Variants in FHOD3 observed in about 807,000 individuals in gnomAD.
FHOD3 encodes formin homology 2 domain containing 3, also known as FH1/FH2 domain-containing protein 3.
Under a neutral mutation model 173.0 loss-of-function variants are expected in FHOD3, and 90 were observed. The ratio of observed to expected loss-of-function variants is 0.52; its 90% confidence interval spans 0.44 to 0.62. FHOD3 has a LOEUF of 0.62. Ranked by LOEUF, FHOD3 falls within the 20% of genes least tolerant of loss-of-function variation. The pLI is 0.00. For synonymous variants in FHOD3, 828 were observed against 823.0 expected, an observed-to-expected ratio of 1.01 and a Z score of -0.10; for missense variants, 1,945 against 2,034.7, an observed-to-expected ratio of 0.96 and a Z score of 0.85.
At chr18:36,515,580 G>A (rs1223920614) in intron 5 of FHOD3, among the ~76,000 whole-genome samples, 2 of 152,200 alleles carry the variant, frequency 1.3e-5, no homozygotes. Context: ...ATTCCCGAAT[G>A]TTTAAGTCTC....
At chr18:36,755,397 CTTT>C (rs200164880) in intron 25 of FHOD3, 86 bp downstream of exon 25, 941 of 212,012 alleles carry the variant, frequency 4.4e-3, no homozygotes, top group South Asian at 8.6e-3. Context: ...AAAAGCTGTG[CTTT>C]TTTTTTTTTT....
intron 3 of FHOD3, among the ~76,000 whole-genome samples, chr18:36,400,158 A>C (rs1161936732): frequency 1.3e-5 from 2 of 152,192 alleles, no homozygotes; most frequent in Non-Finnish European, 2.9e-5. Flanking sequence ...TTAGTTTTCA[A>C]GGTTTATTTT....
intron 6 of FHOD3, among the ~76,000 whole-genome samples, chr18:36,592,256 C>T (rs2059244809): frequency 6.6e-6 from 1 of 152,088 alleles, no homozygotes; most frequent in Non-Finnish European, 1.5e-5. Flanking sequence ...TGTTAGTGAC[C>T]AAGGGGCTCC....
chr18:36,605,264 T>C (rs1747762786), intron 8 of FHOD3, among the ~76,000 whole-genome samples: 1 of 152,218 alleles, frequency 6.6e-6, no homozygotes, highest in Non-Finnish European at 1.5e-5. Context: ...TGCCACAGTG[T>C]TCCCCATTGT....
At chr18:36,696,664 A>G (rs942984531) in intron 17 of FHOD3, among the ~76,000 whole-genome samples, 9 of 152,208 alleles carry the variant, frequency 5.9e-5, no homozygotes, top group Non-Finnish European at 1.2e-4. Context: ...AAGTCAATAC[A>G]TGCTTGAATT....
intron 16 of FHOD3, among the ~76,000 whole-genome samples, chr18:36,689,074 C>T (rs2038804361): frequency 6.6e-6 from 1 of 152,136 alleles, no homozygotes; most frequent in Non-Finnish European, 1.5e-5. Context: ...ACGCATTTTC[C>T]TTTGGTTTGG....
chr18:36,467,312 T>C (rs2053000935), intron 3 of FHOD3, among the ~76,000 whole-genome samples: 1 of 152,208 alleles, frequency 6.6e-6, no homozygotes, highest in Non-Finnish European at 1.5e-5. Context: ...CTGGAGAAGT[T>C]AGAAAGCCAT....
intron 14 of FHOD3, among the ~76,000 whole-genome samples, chr18:36,676,900 T>G (rs1314394158): frequency 6.6e-6 from 1 of 152,232 alleles, no homozygotes; most frequent in African/African-American, 2.4e-5. Context: ...CAATGTATAC[T>G]AATCCTTTGT....
intron 3 of FHOD3, among the ~76,000 whole-genome samples, chr18:36,494,550 T>A (rs1014177281): frequency 7.2e-5 from 11 of 152,186 alleles, no homozygotes; most frequent in Non-Finnish European, 1.5e-4. Flanking sequence ...TGCATATGTT[T>A]CTTCATTTAT....
Position 36,653,335 on chromosome 18 carries a change from T to C in FHOD3, c.1647-7T>C, listed in dbSNP as rs2036194158. On this transcript the variant is annotated splice_region_variant and splice_polypyrimidine_tract_variant and intron_variant, in intron 12 of 28. Transcript: ENST00000590592. ...ACATTGTGAGCGGGCTTTTCTTCCTTTGACAGTTCCTCTGATTCTTTCTCT... is the reference window on the plus strand; with the variant it reads ...ACATTGTGAGCGGGCTTTTCTTCCTCTGACAGTTCCTCTGATTCTTTCTCT... 1.3e-6 allele frequency: 2 copies of C among 1,532,944 alleles called. No individual in the cohort carries two copies. Among genetic ancestry groups the C allele is most frequent in the African/African-American group, 2.7e-5 (2 of 72,994 alleles). 95.0% of individuals were successfully genotyped at this position (1,532,944 alleles called of 1,614,324 possible). A position where few individuals can be genotyped will look rare whatever the true frequency, so the allele number is the denominator to read the frequency against.
rs191073865 is a variant in FHOD3, at chr18:36,482,605, A to T, written c.338-19327A>T. Among the ~76,000 whole-genome samples the T allele has an allele frequency of 3.0e-4, 46 of 152,280 alleles. No homozygotes were observed. In the East Asian group the frequency reaches 8.7e-3, roughly 29 times the overall value. On this transcript the variant is annotated intron_variant, in intron 3 of 28. Transcript: ENST00000590592. ...GACAGGGTTCTACCCTGAGCAACTG[A>T]TGCAGACCCCGTGGTTCCTCTGCTG...
intron 1 of FHOD3, among the ~76,000 whole-genome samples, chr18:36,336,497 A>T (rs2045314680): frequency 6.6e-6 from 1 of 152,166 alleles, no homozygotes; most frequent in Non-Finnish European, 1.5e-5. Context: ...TAGAAAATAG[A>T]CTATGTTTAA....
chr18:36,760,200 T>TA, intron 26 of FHOD3, among the ~76,000 whole-genome samples: 1 of 152,318 alleles, frequency 6.6e-6, no homozygotes, highest in South Asian at 2.1e-4. Context: ...TGACACTAAG[T>TA]AAAAAAATAA....
intron 17 of FHOD3, among the ~76,000 whole-genome samples, chr18:36,705,238 A>G (rs1317855560): frequency 6.6e-6 from 1 of 152,004 alleles, no homozygotes; most frequent in African/African-American, 2.4e-5. Flanking sequence ...CAACCACCCA[A>G]ACCTCCTCTC....
At chr18:36,638,147 C>G (rs868025007) in intron 10 of FHOD3, among the ~76,000 whole-genome samples, 2 of 152,024 alleles carry the variant, frequency 1.3e-5, no homozygotes, top group Admixed American at 1.3e-4. Flanking sequence ...TTAAAAATAG[C>G]AAAAACTCTT....
chr18:36,412,820 A>G (rs865775765), intron 3 of FHOD3, among the ~76,000 whole-genome samples: 42 of 152,258 alleles, frequency 2.8e-4, no homozygotes, highest in African/African-American at 7.2e-4. Context: ...AGAATGAATG[A>G]TAACAAGAAT....
intron 3 of FHOD3, among the ~76,000 whole-genome samples, chr18:36,452,228 A>G (rs1045227451): frequency 2.0e-5 from 3 of 152,066 alleles, no homozygotes; most frequent in African/African-American, 7.2e-5. Context: ...CCTTTTCCGT[A>G]CTTGTACCAC....
In FHOD3 at chr18:36,709,284, A is replaced by AG; in HGVS notation, c.2431dup (p.Val811GlyfsTer62). 1.2e-6 allele frequency: 2 copies of AG among 1,614,260 alleles called. No individual in the cohort carries two copies. Among genetic ancestry groups the AG allele is most frequent in the Non-Finnish European group, 1.7e-6 (2 of 1,180,044 alleles). ...CTCAGTGAAAAAGAGAGGCAGAACG[A>AG]GGGGGTGAACGAGAGGGACAACTGC... On this transcript the variant is annotated frameshift_variant, in exon 18 of 29. Transcript: ENST00000590592. LOFTEE classifies it high-confidence loss of function.
At chr18:36,707,798 G>A (rs1415665989) in intron 17 of FHOD3, among the ~76,000 whole-genome samples, 2 of 152,114 alleles carry the variant, frequency 1.3e-5, no homozygotes, top group South Asian at 4.2e-4. Context: ...CATGGAATCT[G>A]GGCAGGTCCC....
Sources: gnomAD v4.1 joint callset for allele counts (sites outside exome capture counted in the v4.1 genomes callset) on GRCh38, gnomAD v4.1.1 for gene constraint, MANE v1.5 for transcripts, NCBI Gene and HGNC (gene_info 2026-07-23, HGNC 2026-07-21) for gene names.